MYO5B: variants seen among roughly 807,000 people sequenced by gnomAD.
MYO5B encodes myosin VB.
Under a neutral mutation model 229.3 loss-of-function variants are expected in MYO5B, and 143 were observed. That is an observed-to-expected ratio of 0.62 (90% CI 0.54 to 0.72). The LOEUF (loss-of-function observed/expected upper bound fraction) is 0.72, where lower values mean the gene tolerates loss of function less well. Among genes scored for constraint, MYO5B ranks in the 30% least tolerant of loss-of-function variants. MYO5B has a pLI of 0.00. For synonymous variants in MYO5B, 918 were observed against 885.2 expected (o/e 1.04, Z -0.66); for missense variants, 2,321 against 2,331.0 (o/e 1.00, Z 0.09).
At chr18:49,874,913 C>A (rs908194745) in intron 26 of MYO5B, among the ~76,000 whole-genome samples, 2 of 152,238 alleles carry the variant, frequency 1.3e-5, no homozygotes, top group African/African-American at 4.8e-5. Context: ...TTGCACTCAA[C>A]TTGCATTTAT....
chr18:49,939,135 C>G (rs2025283954), intron 14 of MYO5B, among the ~76,000 whole-genome samples: 1 of 143,000 alleles, frequency 7.0e-6, no homozygotes, highest in South Asian at 2.2e-4. Context: ...CATTAACACT[C>G]TTTCTTTTTT....
In MYO5B at chr18:49,899,825, G is replaced by T. The variant is rs552226662; in HGVS notation, c.2811+2769C>A. ...CTTATCCACTCCTCCCGTCTTTTCT[G>T]ATCACCCTCTACACACAGGGCATCC... On this transcript the variant is annotated intron_variant, in intron 21 of 39. Transcript: ENST00000285039. Among the ~76,000 whole-genome samples the T allele has an allele frequency of 6.6e-5, 10 of 152,278 alleles. No individual in the cohort carries two copies. The East Asian group carries it at 1.9e-3, about 29-fold the overall frequency.
Position 50,159,537 on chromosome 18 carries a change from T to G in MYO5B, c.27+35230A>C, listed in dbSNP as rs527973812. On this transcript the variant is annotated intron_variant, in intron 1 of 39. Transcript: ENST00000285039. ...GTCAACTAAAGCTCCCAGCTCCAGG[T>G]GCTCTGCAGCCCCCAGGCCACCGTG... Among the ~76,000 whole-genome samples, 44 of 152,264 alleles carry G rather than the reference T, an allele frequency of 2.9e-4. 1 individual carries two copies. The South Asian group carries it at 9.1e-3, about 32-fold the overall frequency.
chr18:50,174,406 A>G (rs938407966), intron 1 of MYO5B, among the ~76,000 whole-genome samples: 2 of 152,130 alleles, frequency 1.3e-5, no homozygotes, highest in Non-Finnish European at 2.9e-5. Context: ...CCAGGATGTC[A>G]TGTGCTAGAA....
At chr18:49,988,291 C>T (rs1391536004) in intron 7 of MYO5B, among the ~76,000 whole-genome samples, 1 of 152,174 alleles carries the variant, frequency 6.6e-6, no homozygotes, top group Non-Finnish European at 1.5e-5. Context: ...AGCTTCAGGG[C>T]CCTCAGCCAA....
intron 1 of MYO5B, 41 bp from the exon 2 acceptor site, chr18:50,055,419 G>A (rs1365018137): frequency 6.5e-7 from 1 of 1,535,876 alleles, no homozygotes; most frequent in Non-Finnish European, 9.0e-7. Context: ...ACAGAACAAA[G>A]CTCTCAGATT....
chr18:50,045,246 G>C (rs1568084315), intron 2 of MYO5B, among the ~76,000 whole-genome samples: 1 of 152,194 alleles, frequency 6.6e-6, no homozygotes, highest in Admixed American at 6.5e-5. Context: ...AGATAATGTG[G>C]TTTTCTATCA....
intron 27 of MYO5B, 106 bp from the exon 28 acceptor site, chr18:49,864,486 C>A (rs2024373723): frequency 5.4e-6 from 8 of 1,493,098 alleles, no homozygotes; most frequent in Middle Eastern, 3.5e-4. Context: ...AAACTTCGCT[C>A]TTTAAACGTT....
chr18:50,008,541 TTG>T, intron 4 of MYO5B, among the ~76,000 whole-genome samples: 1 of 152,162 alleles, frequency 6.6e-6, no homozygotes, highest in Non-Finnish European at 1.5e-5. Flanking sequence ...GGGGACTGAC[TTG>T]TGTGTGTGGG....
chr18:50,054,864 G>A (rs1423616212), intron 2 of MYO5B, among the ~76,000 whole-genome samples: 1 of 152,090 alleles, frequency 6.6e-6, no homozygotes, highest in African/African-American at 2.4e-5. Context: ...CTGATATAAG[G>A]TCACAAAACT....
In MYO5B at chr18:50,169,924, C is replaced by T. The variant is rs771132198; in HGVS notation, c.27+24843G>A. Among the ~76,000 whole-genome samples, 5 of 126,390 alleles carry T rather than the reference C, an allele frequency of 4.0e-5. 2 individuals are homozygous for T. The highest frequency in any genetic ancestry group is 1.5e-4 in the African/African-American group (5 of 33,412). The allele number at this position is 126,390 out of a possible 152,430, so 82.9% of individuals were successfully genotyped here. On this transcript the variant is annotated intron_variant, in intron 1 of 39. Transcript: ENST00000285039. ...AGATAGGAGCCGTGGACCTGCCACA[C>T]GGGCCCCAGACTGCCCACCTCCAAA...
chr18:49,962,395 T>G lies in MYO5B; in HGVS notation c.1416A>C (p.Lys472Asn). ...LQQQFNSHVF[K>N]LEQEEYMKEQ... is the part of the protein sequence containing the mutation. ...CCTTCATGTATTCTTCTTGCTCCAG[T>G]TTGAAAACATGCTAGGGCAAGTAAA... The change falls in exon 12 of 40, where the codon AAA becomes AAC. Residue 472 changes from lysine to asparagine, a missense_variant. Transcript: ENST00000285039. The G allele has an allele frequency of 6.2e-7, 1 of 1,614,120 alleles. No individual in the cohort carries two copies. The highest frequency in any genetic ancestry group is 2.2e-5 in the East Asian group (1 of 44,848).
chr18:49,985,968 A>G (rs2025866512), intron 7 of MYO5B, among the ~76,000 whole-genome samples: 1 of 151,966 alleles, frequency 6.6e-6, no homozygotes, highest in South Asian at 2.1e-4. Flanking sequence ...CACTATTCCA[A>G]TCTCTCTGCT....
intron 39 of MYO5B, among the ~76,000 whole-genome samples, chr18:49,834,986 T>A (rs1470396499): frequency 6.6e-6 from 1 of 152,222 alleles, no homozygotes; most frequent in Admixed American, 6.5e-5. Flanking sequence ...TTGCTTTCTT[T>A]AAAGAACATT....
intron 10 of MYO5B, among the ~76,000 whole-genome samples, chr18:49,967,383 CAG>C (rs1347631526): frequency 6.6e-6 from 1 of 152,178 alleles, no homozygotes; most frequent in Non-Finnish European, 1.5e-5. Context: ...GGAGAGAGAA[CAG>C]AGAGGCAGTG....
intron 13 of MYO5B, 124 bp from the exon 14 acceptor site, chr18:49,953,467 G>A: frequency 1.3e-6 from 1 of 798,148 alleles, no homozygotes. Context: ...ACCCACAGAT[G>A]TTTCCACTTA....
intron 2 of MYO5B, among the ~76,000 whole-genome samples, chr18:50,043,087 T>TA (rs1441981277): frequency 6.6e-6 from 1 of 151,266 alleles, no homozygotes; most frequent in Admixed American, 6.7e-5. Flanking sequence ...ATTGTGTATC[T>TA]ACCCAGAGGA....
At chr18:49,968,539 C>G (rs1598919330) in intron 10 of MYO5B, among the ~76,000 whole-genome samples, 1 of 152,118 alleles carries the variant, frequency 6.6e-6, no homozygotes, top group Admixed American at 6.5e-5. Context: ...GGTGATTACC[C>G]TTATCTTGTC....
In MYO5B at chr18:50,184,565, A is replaced by G. The variant is rs910288794; in HGVS notation, c.27+10202T>C. Reference sequence around the variant, plus strand: ...CTGTGTTATTGTTAAATGAGCTAACATGTAGTGCTGAGAAGTGATTTGGCA... The same window carrying G: ...CTGTGTTATTGTTAAATGAGCTAACGTGTAGTGCTGAGAAGTGATTTGGCA... On this transcript the variant is annotated intron_variant, in intron 1 of 39. Coordinates refer to ENST00000285039, the MANE Select transcript of MYO5B (RefSeq NM_001080467.3). 5.6e-4 allele frequency among the ~76,000 whole-genome samples: 85 copies of G among 152,192 alleles called. 5 individuals carry two copies. The highest frequency in any genetic ancestry group is 1.8e-4 in the Non-Finnish European group (12 of 68,040).
Sources: allele counts gnomAD v4.1 joint callset (sites outside exome capture counted in the v4.1 genomes callset), GRCh38; gene constraint gnomAD v4.1.1; transcripts MANE v1.5; gene names NCBI Gene and HGNC (gene_info 2026-07-23, HGNC 2026-07-21).